GLT1D1: variants seen among roughly 807,000 people sequenced by gnomAD.
GLT1D1 encodes glycosyltransferase 1 domain containing 1.
In GLT1D1, 21 loss-of-function variants were observed where a neutral mutation model predicts 28.7. The ratio of observed to expected loss-of-function variants is 0.73; its 90% confidence interval spans 0.52 to 1.05. GLT1D1 has a LOEUF of 1.05. Ranked by LOEUF, GLT1D1 falls within the 50% of genes least tolerant of loss-of-function variation. The pLI is 0.00. For synonymous variants in GLT1D1, 147 were observed against 124.8 expected (o/e 1.18, Z -1.19); for missense variants, 343 against 330.6 (o/e 1.04, Z -0.29).
chr12:128,898,409 T>A (rs1440056456), intron 3 of GLT1D1, among the ~76,000 whole-genome samples: 1 of 152,148 alleles, frequency 6.6e-6, no homozygotes, highest in Non-Finnish European at 1.5e-5. Context: ...ATGCCTGGGC[T>A]CAAGTGATCT....
chr12:128,914,407 C>T (rs145800503), intron 4 of GLT1D1, among the ~76,000 whole-genome samples: 42 of 152,246 alleles, frequency 2.8e-4, no homozygotes, highest in Non-Finnish European at 7.4e-5. Flanking sequence ...CGTCTTTTCT[C>T]ATGTGGAATC....
chr12:128,890,670 G>T (rs867699303), intron 3 of GLT1D1, among the ~76,000 whole-genome samples: 1 of 150,010 alleles, frequency 6.7e-6, no homozygotes, highest in Non-Finnish European at 1.5e-5. Context: ...CTGTAATTCC[G>T]GCTACTTGGG....
At chr12:128,890,590 G>C (rs1451787426) in intron 3 of GLT1D1, among the ~76,000 whole-genome samples, 1 of 152,096 alleles carries the variant, frequency 6.6e-6, no homozygotes, top group East Asian at 1.9e-4. Context: ...TTCGAGACCA[G>C]CCTGGCCAAC....
chr12:128,919,973 CTCTCTCTCTCTCTCTCTCCCCCT>C (rs1566133304), intron 4 of GLT1D1, among the ~76,000 whole-genome samples: 2 of 5,442 alleles, frequency 3.7e-4, no homozygotes, highest in Admixed American at 6.3e-3. Flanking sequence ...CTCTCTCTCT[CTCTCTCTCTCTCTCTCTCCCCCT>C]CCATCTCTCT....
At chr12:128,885,139 A>C in intron 2 of GLT1D1, among the ~76,000 whole-genome samples, 1 of 152,306 alleles carries the variant, frequency 6.6e-6, no homozygotes, top group South Asian at 2.1e-4. Flanking sequence ...AATAATAAAA[A>C]GAGAGTTTGC....
At chr12:128,927,563 G>A (rs1180275840) in intron 4 of GLT1D1, among the ~76,000 whole-genome samples, 1 of 152,034 alleles carries the variant, frequency 6.6e-6, no homozygotes, top group Non-Finnish European at 1.5e-5. Context: ...ACCAAGTGGA[G>A]TTTTCCTCTT....
intron 4 of GLT1D1, 84 bp downstream of exon 5, chr12:128,912,544 AAT>A (rs57936351): frequency 0.019 from 10,033 of 521,248 alleles, 456 homozygotes; most frequent in Admixed American, 0.11. Flanking sequence ...ATATGTGATA[AAT>A]ATATATATAT....
At chr12:128,885,261 C>T (rs1029097115) in intron 2 of GLT1D1, among the ~76,000 whole-genome samples, 1 of 152,214 alleles carries the variant, frequency 6.6e-6, no homozygotes, top group South Asian at 2.1e-4. Flanking sequence ...GAGACTCTTT[C>T]GCCCAGGCTG....
Position 128,983,425 on chromosome 12 carries a change from C to A in GLT1D1, c.*335C>A. 4.6e-6 allele frequency: 1 copy of A among 219,188 alleles called. No individual in the cohort carries two copies. The highest frequency in any genetic ancestry group is 9.1e-6 in the Non-Finnish European group (1 of 109,476). 13.6% of individuals were successfully genotyped at this position (219,188 alleles called of 1,614,324 possible). A position where few individuals can be genotyped will look rare whatever the true frequency, so the allele number is the denominator to read the frequency against. ...AGGGCTTTGGTGTGGACAATAGAGG[C>A]TTATTTTCAAGCAGTCATGGTTCAG... On this transcript the variant is annotated 3_prime_UTR_variant, in exon 8 of 8. Transcript: ENST00000281703. This position sits in a 1 kb window ranked among gnomAD's most constrained non-coding sequence, Gnocchi z 4.7.
intron 7 of GLT1D1, among the ~76,000 whole-genome samples, chr12:128,960,387 C>T (rs746640131): frequency 6.6e-6 from 1 of 152,118 alleles, no homozygotes; most frequent in Non-Finnish European, 1.5e-5. Flanking sequence ...AAGTCAGGGA[C>T]TATGGTTCTA....
chr12:128,952,027 G>T (rs1009703728), intron 6 of GLT1D1, among the ~76,000 whole-genome samples: 1 of 152,162 alleles, frequency 6.6e-6, no homozygotes, highest in Non-Finnish European at 1.5e-5. Flanking sequence ...GGATGAGTGA[G>T]TTCATGCCTT....
intron 1 of GLT1D1, 133 bp downstream of exon 1, chr12:128,853,782 A>G (rs1225967415): frequency 1.8e-6 from 1 of 547,398 alleles, no homozygotes; most frequent in Non-Finnish European, 2.4e-6. Flanking sequence ...CGCGCGCACA[A>G]ACGGATGGGC....
In GLT1D1 at chr12:128,917,351, A is replaced by G. The variant is rs537481033; in HGVS notation, c.375+18064A>G. Among the ~76,000 whole-genome samples the G allele has an allele frequency of 3.9e-5, 6 of 152,242 alleles. No individual in the cohort carries two copies. In the East Asian group the frequency reaches 9.7e-4, roughly 25 times the overall value. On this transcript the variant is annotated intron_variant, in intron 4 of 7. Coordinates refer to ENST00000281703, the MANE Select transcript of GLT1D1 (RefSeq NM_144669.3). Reference sequence around the variant, plus strand: ...ATCAATTTCTGTAAAATCCTGTTACATTGAACCTCCACCTCCTGGCTTCAA... The same window carrying G: ...ATCAATTTCTGTAAAATCCTGTTACGTTGAACCTCCACCTCCTGGCTTCAA...
At chr12:128,961,275 A>G (rs1045848178) in intron 7 of GLT1D1, among the ~76,000 whole-genome samples, 3 of 152,234 alleles carry the variant, frequency 2.0e-5, no homozygotes, top group Non-Finnish European at 4.4e-5. Flanking sequence ...CAGGAAAGCC[A>G]GTGGTGCAAT....
chr12:128,938,776 T>C (rs922576274), intron 4 of GLT1D1, among the ~76,000 whole-genome samples: 11 of 152,222 alleles, frequency 7.2e-5, no homozygotes, highest in Admixed American at 6.5e-4. Flanking sequence ...AAAATGTGTT[T>C]AGACCCTCTG....
rs1441141729 is a variant in GLT1D1, at chr12:128,983,280, T to G, written c.*190T>G. 1 of 578,486 alleles carries G rather than the reference T, an allele frequency of 1.7e-6. No individual in the cohort carries two copies. The highest frequency in any genetic ancestry group is 1.9e-5 in the African/African-American group (1 of 53,600). 35.8% of individuals were successfully genotyped at this position (578,486 alleles called of 1,614,324 possible). On this transcript the variant is annotated 3_prime_UTR_variant, in exon 8 of 8. Coordinates refer to ENST00000281703, the MANE Select transcript of GLT1D1 (RefSeq NM_144669.3). The surrounding 1 kb of genome is among the most constrained non-coding windows in gnomAD (Gnocchi z 4.7). ...CATATCCTTCTGTGCGTTCAGATGC[T>G]GTCCCAGGCGTGTTCACCAGCCAGT... is the stretch of plus-strand genomic sequence containing the variant.
At chr12:128,881,133 C>A (rs1957023703) in intron 2 of GLT1D1, among the ~76,000 whole-genome samples, 1 of 144,000 alleles carries the variant, frequency 6.9e-6, no homozygotes, top group Non-Finnish European at 1.5e-5. Flanking sequence ...TTGAGGAAGG[C>A]GAGTGGCGTG....
intron 7 of GLT1D1, among the ~76,000 whole-genome samples, chr12:128,973,769 T>C (rs533580930): frequency 6.6e-6 from 1 of 152,120 alleles, no homozygotes; most frequent in South Asian, 2.1e-4. Context: ...TGTGTTGAAA[T>C]GGCTAGTGTT....
At chr12:128,939,139 T>C (rs1368703044) in intron 4 of GLT1D1, among the ~76,000 whole-genome samples, 1 of 152,108 alleles carries the variant, frequency 6.6e-6, no homozygotes, top group African/African-American at 2.4e-5. Context: ...GTGAGGAGTG[T>C]GGCTGCTGCC....
Sources: gnomAD v4.1 joint callset for allele counts (sites outside exome capture counted in the v4.1 genomes callset) on GRCh38, gnomAD v4.1.1 for gene constraint, Gnocchi (gnomAD v3.1) non-coding constraint, MANE v1.5 for transcripts, NCBI Gene and HGNC (gene_info 2026-07-23, HGNC 2026-07-21) for gene names.